OR51E2: variants seen among roughly 807,000 people sequenced by gnomAD.
The protein encoded by OR51E2 is olfactory receptor 51E2.
In OR51E2, 14 loss-of-function variants were observed where a neutral mutation model predicts 13.7. That is an observed-to-expected ratio of 1.02 (90% CI 0.68 to 1.60). The LOEUF (loss-of-function observed/expected upper bound fraction) is 1.60, where lower values mean the gene tolerates loss of function less well. Among genes scored for constraint, OR51E2 ranks in the 40% most tolerant of loss-of-function variants. OR51E2 has a pLI of 0.00. For missense variants in OR51E2, 483 were observed against 413.8 expected (o/e 1.17, Z -1.45); for synonymous variants, 180 against 157.6 (o/e 1.14, Z -1.07).
intron 1 of OR51E2, chr11:4,685,882 T>G (rs1375286427): frequency 1.3e-5 from 2 of 152,332 alleles, no homozygotes; most frequent in East Asian, 3.9e-4. Context: ...CAGGGTTACC[T>G]TCATACTTTA....
intron 1 of OR51E2, chr11:4,685,635 T>C (rs1327846544): frequency 3.3e-5 from 5 of 152,256 alleles, no homozygotes; most frequent in African/African-American, 1.2e-4. Context: ...CCAGATGATA[T>C]GACAGCTTTT....
At chr11:4,687,063 T>C (rs1847525160) in intron 1 of OR51E2, among the ~76,000 whole-genome samples, 2 of 152,156 alleles carry the variant, frequency 1.3e-5, no homozygotes, top group Non-Finnish European at 2.9e-5. Context: ...TTCCTTCAGC[T>C]CTATTTGCTA....
At chr11:4,691,571 G>A (rs1011650731) in intron 1 of OR51E2, 1 of 456,762 alleles carries the variant, frequency 2.2e-6, no homozygotes, top group African/African-American at 2.0e-5. Flanking sequence ...GGATCAGGCT[G>A]TTTCCCAAGA....
chr11:4,681,790 T>A lies in OR51E2; in HGVS notation c.922A>T (p.Ile308Phe), dbSNP rs1199978209. The change falls in exon 2 of 2, where the codon ATC becomes TTC. Residue 308 changes from isoleucine (I) to phenylalanine (F), a missense_variant. By Grantham distance (21) the Ile-to-Phe change is conservative (BLOSUM62 0). Transcript: ENST00000396950. Reference sequence around the variant, plus strand: ...GCCTGCAAGTCCTTGTCACAGCTGATCTTGAACATAGCCAGCACCCGTGTT... The same window carrying A: ...GCCTGCAAGTCCTTGTCACAGCTGAACTTGAACATAGCCAGCACCCGTGTT... ...IRTRVLAMFK[I>F]SCDKDLQAVG... 1 of 1,614,212 alleles carries A rather than the reference T, an allele frequency of 6.2e-7. No homozygotes were observed. The highest frequency in any genetic ancestry group is 2.2e-5 in the East Asian group (1 of 44,880).
At chr11:4,690,004 A>T (rs1485115023) in intron 1 of OR51E2, among the ~76,000 whole-genome samples, 1 of 147,910 alleles carries the variant, frequency 6.8e-6, no homozygotes, top group African/African-American at 2.4e-5. Flanking sequence ...ACATATAAGT[A>T]CATAATTTAT....
In OR51E2 at chr11:4,680,583, T is replaced by A. The variant is rs1426033317; in HGVS notation, c.*1166A>T. On this transcript the variant is annotated 3_prime_UTR_variant, in exon 2 of 2. Coordinates refer to ENST00000396950, the MANE Select transcript of OR51E2 (RefSeq NM_030774.4). Reference sequence around the variant, plus strand: ...AATTTAATTTTAAATCTTGGCACAGTGCCCACAAGCCGTGTGACTTTAGTC... The same window carrying A: ...AATTTAATTTTAAATCTTGGCACAGAGCCCACAAGCCGTGTGACTTTAGTC... 1 of 152,640 alleles carries A rather than the reference T, an allele frequency of 6.6e-6. No homozygotes were observed. The highest frequency in any genetic ancestry group is 1.5e-5 in the Non-Finnish European group (1 of 68,040). 9.5% of individuals were successfully genotyped at this position (152,640 alleles called of 1,614,324 possible).
intron 1 of OR51E2, chr11:4,691,818 T>C (rs1847585604): frequency 3.3e-6 from 1 of 302,354 alleles, no homozygotes; most frequent in Non-Finnish European, 6.5e-6. Context: ...AGTATTTATA[T>C]AATATGAAAC....
intron 1 of OR51E2, among the ~76,000 whole-genome samples, chr11:4,689,043 A>G (rs1360077159): frequency 6.6e-6 from 1 of 152,208 alleles, no homozygotes; most frequent in Non-Finnish European, 1.5e-5. Flanking sequence ...CTGAACTACA[A>G]ATATTAATTT....
intron 1 of OR51E2, among the ~76,000 whole-genome samples, chr11:4,684,353 T>G (rs1243936991): frequency 6.6e-6 from 1 of 152,190 alleles, no homozygotes; most frequent in Non-Finnish European, 1.5e-5. Flanking sequence ...ATAGTTTGCA[T>G]CTTGCATCCA....
In OR51E2 at chr11:4,682,610, A is replaced by C; in HGVS notation, c.102T>G (p.Tyr34Ter). ...TGCAGTTTCCAAACATTGCCACTAC[A>C]TACATGGAAAGGAGGGGGAAGCCAA... ...FWVGFPLLSM[Y>*]VVAMFGNCIV... The change falls in exon 2 of 2, where the codon TAT becomes TAG. Residue 34 changes from tyrosine (Y) to a stop codon, truncating the protein, a stop_gained. Coordinates refer to ENST00000396950, the MANE Select transcript of OR51E2 (RefSeq NM_030774.4). LOFTEE classifies it high-confidence loss of function. The C allele has an allele frequency of 6.2e-7, 1 of 1,614,220 alleles. No individual in the cohort carries two copies. Among genetic ancestry groups the C allele is most frequent in the Non-Finnish European group, 8.5e-7 (1 of 1,180,034 alleles).
Position 4,682,142 on chromosome 11 carries a change from G to T in OR51E2, c.570C>A (p.Asp190Glu). ...GACCATATACCACATTGGGCAAAGT[G>T]TCTGCATAGGCCAACTTCATTACAT... The part of the protein sequence containing the change: ...HQDVMKLAYA[D>E]TLPNVVYGLT... The change falls in exon 2 of 2, where the codon GAC becomes GAA. Residue 190 changes from aspartate (D) to glutamate (E), a missense_variant. Coordinates refer to ENST00000396950, the MANE Select transcript of OR51E2 (RefSeq NM_030774.4). The T allele has an allele frequency of 6.2e-7, 1 of 1,614,218 alleles. No individual in the cohort carries two copies. The highest frequency in any genetic ancestry group is 1.3e-5 in the African/African-American group (1 of 75,064).
At chr11:4,695,171 G>C (rs1483237217) in intron 1 of OR51E2, among the ~76,000 whole-genome samples, 3 of 152,142 alleles carry the variant, frequency 2.0e-5, no homozygotes, top group African/African-American at 7.2e-5. Context: ...AGAGCATCAA[G>C]AGCCAGACAT....
intron 1 of OR51E2, among the ~76,000 whole-genome samples, chr11:4,688,455 G>A (rs1014423158): frequency 2.0e-5 from 3 of 152,174 alleles, no homozygotes; most frequent in African/African-American, 7.2e-5. Flanking sequence ...GACATAGAGT[G>A]AATCACTGGC....
intron 1 of OR51E2, chr11:4,685,979 T>C (rs909827912): frequency 1.3e-5 from 2 of 152,242 alleles, no homozygotes; most frequent in African/African-American, 4.8e-5. Context: ...GTCACTGTAA[T>C]CTTTGAACAC....
At chr11:4,691,083 G>C (rs754238146) in intron 1 of OR51E2, 10 of 456,802 alleles carry the variant, frequency 2.2e-5, no homozygotes, top group South Asian at 1.5e-4. Flanking sequence ...ACCAACAGTA[G>C]AGAACATGGC....
Position 4,682,174 on chromosome 11 carries a change from G to T in OR51E2, c.538C>A (p.His180Asn), listed in dbSNP as rs148734855. Reference protein sequence around the residue: ...SNVLSHSYCVHQDVMKLAYAD... With the variant: ...SNVLSHSYCVNQDVMKLAYAD... ...TAGGCCAACTTCATTACATCCTGGTGGACACAATAGGAGTGCGAGAGGACA... is the reference window on the plus strand; with the variant it reads ...TAGGCCAACTTCATTACATCCTGGTTGACACAATAGGAGTGCGAGAGGACA... The change falls in exon 2 of 2, where the codon CAC (histidine) becomes AAC (asparagine). Residue 180 changes from histidine to asparagine, a missense_variant. Physicochemically the swap from His to Asn is moderately conservative, Grantham distance 68 (BLOSUM62 1). Transcript: ENST00000396950. 6.2e-7 allele frequency: 1 copy of T among 1,614,218 alleles called. No individual in the cohort carries two copies. Among genetic ancestry groups the T allele is most frequent in the Non-Finnish European group, 8.5e-7 (1 of 1,180,042 alleles).
At chr11:4,687,529 A>G (rs11033337) in intron 1 of OR51E2, among the ~76,000 whole-genome samples, 2,577 of 152,352 alleles carry the variant, frequency 0.017, 33 homozygotes, top group Middle Eastern at 0.031. Flanking sequence ...GTAGATATGA[A>G]GAACTTTCTG....
chr11:4,683,860 T>G (rs945793532), intron 1 of OR51E2, among the ~76,000 whole-genome samples: 7 of 152,222 alleles, frequency 4.6e-5, no homozygotes, highest in Admixed American at 1.3e-4. Flanking sequence ...GCTAATTTTC[T>G]CTAAAAAGCC....
chr11:4,691,241 C>A (rs1278279181), intron 1 of OR51E2: 4 of 456,718 alleles, frequency 8.8e-6, no homozygotes, highest in South Asian at 1.5e-5. Flanking sequence ...GCATTAGGAG[C>A]CCCCTGATGA....
Sources: gnomAD v4.1 joint callset for allele counts (sites outside exome capture counted in the v4.1 genomes callset) on GRCh38, gnomAD v4.1.1 for gene constraint, MANE v1.5 for transcripts, NCBI Gene and HGNC (gene_info 2026-07-23, HGNC 2026-07-21) for gene names.